SNX29: variants seen among roughly 807,000 people sequenced by gnomAD.
SNX29 encodes sorting nexin-29.
A neutral mutation model predicts 102.1 loss-of-function variants in SNX29; 78 were observed. The observed-to-expected ratio is 0.76, with a 90% CI of 0.64 to 0.92. The LOEUF (loss-of-function observed/expected upper bound fraction) is 0.92. SNX29 is among the 40% of genes least tolerant of loss of function. The probability of loss-of-function intolerance (pLI) is 0.00; values close to 1 mark genes in which losing one functional copy is unlikely to be tolerated. For synonymous variants in SNX29, 580 were observed against 414.5 expected (o/e 1.40, Z -4.85); for missense variants, 1,280 against 1,061.7 (o/e 1.21, Z -2.86).
intron 16 of SNX29, among the ~76,000 whole-genome samples, chr16:12,388,819 C>G (rs537603662): frequency 1.3e-5 from 2 of 152,294 alleles, no homozygotes; most frequent in East Asian, 3.9e-4. Flanking sequence ...AGGGTTCTGC[C>G]TGTAACACAC....
intron 17 of SNX29, among the ~76,000 whole-genome samples, 199 bp from the exon 18 acceptor site, chr16:12,403,249 T>TA (rs2084027152): frequency 7.4e-6 from 1 of 135,636 alleles, no homozygotes; most frequent in South Asian, 2.3e-4. Context: ...TGTGTGTGTG[T>TA]GTGTGTAGAG....
At chr16:12,211,008 C>G (rs2077169906) in intron 14 of SNX29, among the ~76,000 whole-genome samples, 1 of 152,148 alleles carries the variant, frequency 6.6e-6, no homozygotes, top group Admixed American at 6.5e-5. Context: ...CCAGCACAGC[C>G]TTTAGTGCAG....
chr16:12,458,819 C>T (rs1456308400), intron 18 of SNX29, among the ~76,000 whole-genome samples: 6 of 152,192 alleles, frequency 3.9e-5, no homozygotes, highest in Admixed American at 3.9e-4. Flanking sequence ...CTCATTGGCC[C>T]AGAGTGAGCA....
chr16:12,188,181 A>T (rs2076558620), intron 13 of SNX29, among the ~76,000 whole-genome samples: 1 of 152,212 alleles, frequency 6.6e-6, no homozygotes, highest in South Asian at 2.1e-4. Context: ...CTAACCGCTA[A>T]CATTTATTTA....
intron 20 of SNX29, among the ~76,000 whole-genome samples, chr16:12,543,559 C>T (rs1357180641): frequency 1.3e-5 from 2 of 152,210 alleles, no homozygotes; most frequent in Non-Finnish European, 2.9e-5. Flanking sequence ...GCCCACTGAG[C>T]CACGAGATCA....
Position 12,111,985 on chromosome 16 carries a change from C to T in SNX29, c.1403-14648C>T, listed in dbSNP as rs115930943. ...GGAGCAGGGCGTCCGCAGACACACCCACCCCGTGGTCATCGTTCCCAGGGC... is the reference window on the plus strand; with the variant it reads ...GGAGCAGGGCGTCCGCAGACACACCTACCCCGTGGTCATCGTTCCCAGGGC... On this transcript the variant is annotated intron_variant, in intron 11 of 20. Transcript: ENST00000566228. 3.4e-3 allele frequency among the ~76,000 whole-genome samples: 516 copies of T among 152,290 alleles called. 5 individuals are homozygous for T. Among genetic ancestry groups the T allele is most frequent in the African/African-American group, 0.012 (484 of 41,566 alleles).
chr16:12,254,801 A>T (rs976155514), intron 14 of SNX29, among the ~76,000 whole-genome samples: 1 of 152,136 alleles, frequency 6.6e-6, no homozygotes, highest in African/African-American at 2.4e-5. Context: ...CCCCTGAGTC[A>T]TCTGGTGGCA....
At chr16:12,214,841 C>T (rs976454868) in intron 14 of SNX29, among the ~76,000 whole-genome samples, 1 of 152,184 alleles carries the variant, frequency 6.6e-6, no homozygotes, top group African/African-American at 2.4e-5. Context: ...GCTAGTTGGT[C>T]ACTCCCAGGT....
intron 20 of SNX29, among the ~76,000 whole-genome samples, chr16:12,547,320 C>T (rs551411797): frequency 1.5e-4 from 23 of 152,210 alleles, no homozygotes; most frequent in Non-Finnish European, 2.9e-4. Context: ...AGCCCAGGAA[C>T]AGAGAGGCCT....
rs902363996 is a variant in SNX29, at chr16:11,976,926, C to G, written c.7+113C>G. On this transcript the variant is annotated intron_variant, in intron 1 of 20. Transcript: ENST00000566228. The stretch of plus-strand genomic sequence containing the variant: ...GCCCCGCTCCCTCGCAGACCCCCTC[C>G]CAGTCGCTCCCTTTTCCAGACCCCT... The G allele has an allele frequency of 4.0e-6, 5 of 1,246,566 alleles. No individual in the cohort carries two copies. In the African/African-American group the frequency reaches 6.3e-5, roughly 16 times the overall value. The allele number at this position is 1,246,566 out of a possible 1,614,324, so 77.2% of individuals were successfully genotyped here. A position where few individuals can be genotyped will look rare whatever the true frequency, so the allele number is the denominator to read the frequency against.
chr16:12,106,244 G>A (rs753742274), intron 11 of SNX29, among the ~76,000 whole-genome samples: 1 of 152,124 alleles, frequency 6.6e-6, no homozygotes, highest in Non-Finnish European at 1.5e-5. Flanking sequence ...GAATTGCATC[G>A]GTGGTGTGTC....
rs2055481510 is a variant in SNX29 at position 11,983,681 on chromosome 16, C to T, written c.7+6868C>T. On this transcript the variant is annotated intron_variant, in intron 1 of 20. Transcript: ENST00000566228. The stretch of plus-strand genomic sequence containing the variant: ...ATGGACTAGGTCCTACTGATGTTGG[C>T]TATCTTGCCTCCTGGTTGCTTGACT... 1.1e-5 allele frequency: 11 copies of T among 985,272 alleles called. No individual in the cohort carries two copies. In the Admixed American group the frequency reaches 4.9e-4, roughly 44 times the overall value. The allele number at this position is 985,272 out of a possible 1,614,324, so 61.0% of individuals were successfully genotyped here. A position where few individuals can be genotyped will look rare whatever the true frequency, so the allele number is the denominator to read the frequency against.
chr16:12,556,904 G>C (rs1198253149), intron 20 of SNX29, among the ~76,000 whole-genome samples: 1 of 150,868 alleles, frequency 6.6e-6, no homozygotes, highest in Non-Finnish European at 1.5e-5. Context: ...CTCACCTTGA[G>C]TGTAGTGGCA....
At chr16:12,553,813 C>G (rs199822984) in intron 20 of SNX29, among the ~76,000 whole-genome samples, 16 of 151,974 alleles carry the variant, frequency 1.1e-4, no homozygotes, top group African/African-American at 2.7e-4. Flanking sequence ...GTCTCGAACT[C>G]CTGACCTTGT....
At chr16:12,411,842 C>G (rs184994372) in intron 18 of SNX29, among the ~76,000 whole-genome samples, 1 of 152,284 alleles carries the variant, frequency 6.6e-6, no homozygotes, top group Admixed American at 6.5e-5. Context: ...GCCATAGCTA[C>G]TCTGTGAATG....
At chr16:12,064,034 C>T (rs1445018726) in intron 9 of SNX29, among the ~76,000 whole-genome samples, 1 of 152,038 alleles carries the variant, frequency 6.6e-6, no homozygotes, top group East Asian at 1.9e-4. Context: ...AATGTGTGTT[C>T]ACAGGCTCTG....
At chr16:12,330,534 G>T (rs748250683) in intron 15 of SNX29, among the ~76,000 whole-genome samples, 1 of 152,176 alleles carries the variant, frequency 6.6e-6, no homozygotes, top group South Asian at 2.1e-4. Context: ...TAATCCTCCC[G>T]ACAGCTCTGG....
intron 18 of SNX29, among the ~76,000 whole-genome samples, chr16:12,460,531 C>G (rs1314278467): frequency 6.6e-6 from 1 of 152,190 alleles, no homozygotes; most frequent in South Asian, 2.1e-4. Flanking sequence ...CAGCCATCAC[C>G]TCCTCCAGGA....
intron 14 of SNX29, among the ~76,000 whole-genome samples, chr16:12,259,894 C>T (rs1194785042): frequency 6.6e-6 from 1 of 152,076 alleles, no homozygotes; most frequent in Admixed American, 6.5e-5. Context: ...CTCAGATCAC[C>T]GCCACATCCA....
Sources: gnomAD v4.1 joint callset for allele counts (sites outside exome capture counted in the v4.1 genomes callset) on GRCh38, gnomAD v4.1.1 for gene constraint, MANE v1.5 for transcripts, NCBI Gene and HGNC (gene_info 2026-07-23, HGNC 2026-07-21) for gene names.